Variants in RBBP8NL observed in about 807,000 individuals in gnomAD.
The protein encoded by RBBP8NL is RBBP8 N-terminal like.
In RBBP8NL, 59 loss-of-function variants were observed where a neutral mutation model predicts 62.2. The observed-to-expected ratio is 0.95, with a 90% CI of 0.77 to 1.18. The LOEUF (loss-of-function observed/expected upper bound fraction) is 1.18. Ranked by LOEUF, RBBP8NL falls within the 50% of genes most tolerant of loss-of-function variation. The pLI, the probability that RBBP8NL is intolerant of heterozygous loss-of-function variation, is 0.00. For missense variants in RBBP8NL, 896 were observed against 899.5 expected (o/e 1.00, Z 0.05); for synonymous variants, 412 against 394.1 (o/e 1.05, Z -0.54).
In RBBP8NL at chr20:62,425,769, G is replaced by A. The variant is rs367947719; in HGVS notation, c.-84+1691C>T. 5.9e-5 allele frequency among the ~76,000 whole-genome samples: 9 copies of A among 152,406 alleles called. No homozygotes were observed. In the East Asian group the frequency reaches 9.6e-4, roughly 16 times the overall value. On this transcript the variant is annotated intron_variant, in intron 1 of 13. Transcript: ENST00000252998. ...CCCCAGCAGGCTCTTTGGGGCAGGAGTGCGGAGCTGGACACTGGTACCCTC... is the reference window on the plus strand; with the variant it reads ...CCCCAGCAGGCTCTTTGGGGCAGGAATGCGGAGCTGGACACTGGTACCCTC...
intron 3 of RBBP8NL, among the ~76,000 whole-genome samples, chr20:62,417,831 A>T (rs74591026): frequency 1.3e-4 from 4 of 30,414 alleles, no homozygotes; most frequent in African/African-American, 6.0e-4. Flanking sequence ...ACGCCCCCCC[A>T]GTCATCTGCA....
intron 11 of RBBP8NL, 42 bp downstream of exon 11, chr20:62,413,359 A>G (rs545792180): frequency 1.5e-6 from 2 of 1,377,688 alleles, no homozygotes; most frequent in Non-Finnish European, 1.9e-6. Context: ...CCGTGGGGAA[A>G]ACACCTCCCA....
intron 8 of RBBP8NL, 41 bp from the exon 9 acceptor site, chr20:62,415,328 G>A (rs956410150): frequency 1.3e-6 from 2 of 1,533,914 alleles, no homozygotes; most frequent in Non-Finnish European, 1.7e-6. Flanking sequence ...GGGCATGCGT[G>A]GCCTCTGCTG....
intron 13 of RBBP8NL, among the ~76,000 whole-genome samples, chr20:62,412,289 T>C (rs1988450835): frequency 6.6e-6 from 1 of 152,176 alleles, no homozygotes; most frequent in Non-Finnish European, 1.5e-5. Flanking sequence ...TCCAGGATGA[T>C]GGTGGGGACA....
intron 1 of RBBP8NL, among the ~76,000 whole-genome samples, chr20:62,421,770 G>T (rs991501725): frequency 2.2e-4 from 27 of 121,872 alleles, no homozygotes; most frequent in African/African-American, 8.2e-4. Context: ...CTAGTGTGCG[G>T]GTGTGTGCCA....
At chr20:62,416,638 C>T in intron 5 of RBBP8NL, 122 bp downstream of exon 5, 1 of 679,306 alleles carries the variant, frequency 1.5e-6, no homozygotes, top group East Asian at 2.7e-5. Context: ...TGTGAGGTTC[C>T]CCCAGTGGTG....
intron 4 of RBBP8NL, 63 bp downstream of exon 4, chr20:62,417,161 C>T (rs1830449117): frequency 7.9e-7 from 1 of 1,264,492 alleles, no homozygotes; most frequent in African/African-American, 1.5e-5. Context: ...GGAGCCCTGT[C>T]ACCTCCTCCT....
intron 6 of RBBP8NL, 27 bp downstream of exon 6, chr20:62,416,137 T>C (rs779206738): frequency 1.7e-5 from 28 of 1,600,570 alleles, no homozygotes; most frequent in Admixed American, 1.0e-4. Flanking sequence ...GTTGGGTGTC[T>C]GAGCCCTGGG....
rs1988517079 is a variant in RBBP8NL at position 62,414,495 on chromosome 20, C to G, written c.856G>C (p.Val286Leu). ...THEAPKLSPK[V>L]DRLCLLNRPL... ...CGGTTTAGGAGGCAGAGCCGGTCCA[C>G]CTTCGGGGAGAGCTTCGGGGCCTCA... is the stretch of plus-strand genomic sequence containing the variant. The change falls in exon 10 of 14, where the codon GTG becomes CTG. Residue 286 changes from valine to leucine, a missense_variant. Physicochemically the swap from Val to Leu is conservative, Grantham distance 32 (BLOSUM62 1). Coordinates refer to ENST00000252998, the MANE Select transcript of RBBP8NL (RefSeq NM_080833.3). 6.9e-7 allele frequency: 1 copy of G among 1,457,990 alleles called. No homozygotes were observed. The highest frequency in any genetic ancestry group is 1.4e-5 in the African/African-American group (1 of 70,642). The allele number at this position is 1,457,990 out of a possible 1,614,324, so 90.3% of individuals were successfully genotyped here.
At chr20:62,417,843 G>A (rs568326465) in intron 3 of RBBP8NL, among the ~76,000 whole-genome samples, 1 of 70,776 alleles carries the variant, frequency 1.4e-5, no homozygotes, top group Non-Finnish European at 2.7e-5. Context: ...TCATCTGCAC[G>A]CTCCTCTGTC....
Position 62,410,499 on chromosome 20 carries a change from CTCCA to C in RBBP8NL, c.*375_*378del. The C allele has an allele frequency of 4.4e-6, 1 of 226,594 alleles. No homozygotes were observed. The highest frequency in any genetic ancestry group is 9.2e-5 in the South Asian group (1 of 10,926). The allele number at this position is 226,594 out of a possible 1,614,324, so 14.0% of individuals were successfully genotyped here. The stretch of plus-strand genomic sequence containing the variant: ...TGGGCTGGAGCCTGAGTGATCCCGC[CTCCA>C]GTCCCCACACCCCTCAGGGAGCAGG... On this transcript the variant is annotated 3_prime_UTR_variant, in exon 14 of 14. Coordinates refer to ENST00000252998, the MANE Select transcript of RBBP8NL (RefSeq NM_080833.3).
chr20:62,417,929 G>C (rs1272511388), intron 3 of RBBP8NL, among the ~76,000 whole-genome samples: 1 of 46,762 alleles, frequency 2.1e-5, no homozygotes, highest in Admixed American at 2.9e-4. Flanking sequence ...TCCACGCAAC[G>C]CCCCCCCAGT....
chr20:62,418,497 G>A (rs1322062283), intron 2 of RBBP8NL, 32 bp from the exon 3 acceptor site: 2 of 1,538,964 alleles, frequency 1.3e-6, no homozygotes, highest in East Asian at 4.9e-5. Flanking sequence ...CGGGGGGTCA[G>A]GCCCAGCTGC....
chr20:62,412,721 C>A lies in RBBP8NL; in HGVS notation c.1779G>T (p.Thr593=). The change falls in exon 13 of 14, where the codon ACG becomes ACT. Residue 593 remains threonine (T), a synonymous_variant. Transcript: ENST00000252998. ...VGLSSQAEAT[T]STTGEGPECI... ...ACTCAGGCCCCTCCCCGGTCGTGCT[C>A]GTAGTGGCCTCCGCCTGGGAGCTCA... is the stretch of plus-strand genomic sequence containing the variant. 6.2e-7 allele frequency: 1 copy of A among 1,611,438 alleles called. No homozygotes were observed. Among genetic ancestry groups the A allele is most frequent in the Non-Finnish European group, 8.5e-7 (1 of 1,179,958 alleles).
chr20:62,423,571 C>T (rs549478979), intron 1 of RBBP8NL, among the ~76,000 whole-genome samples: 73 of 152,292 alleles, frequency 4.8e-4, no homozygotes, highest in African/African-American at 1.6e-3. Flanking sequence ...GCTGGGCCGA[C>T]GCCCATAAAG....
intron 10 of RBBP8NL, 74 bp downstream of exon 10, chr20:62,413,747 C>G (rs1220280341): frequency 1.3e-6 from 2 of 1,501,076 alleles, no homozygotes; most frequent in Non-Finnish European, 1.8e-6. Context: ...AGCCCGAGGT[C>G]TGGGGGGAGG....
chr20:62,417,598 T>C lies in RBBP8NL; in HGVS notation c.105-279A>G, dbSNP rs57171850. Among the ~76,000 whole-genome samples, 165 of 68,858 alleles carry C rather than the reference T, an allele frequency of 2.4e-3. 3 individuals are homozygous for C. The highest frequency in any genetic ancestry group is 0.013 in the South Asian group (17 of 1,290). 45.2% of individuals were successfully genotyped at this position (68,858 alleles called of 152,430 possible). A position where few individuals can be genotyped will look rare whatever the true frequency, so the allele number is the denominator to read the frequency against. On this transcript the variant is annotated intron_variant, in intron 3 of 13. Transcript: ENST00000252998. ...CTGCACGCTCCTCTGTGACGTCTGT[T>C]CCGTCCACGCACCACCCCCCCCAGT...
In RBBP8NL at chr20:62,413,456, A is replaced by C; in HGVS notation, c.1620T>G (p.Pro540=). ...EDEDTGRPLP[P]PHPQPPPHPQ... is the part of the protein sequence containing the mutation. ...GGTGGGGAGGCGGCTGTGGGTGGGG[A>C]GGTGGCAGAGGCCTCCCTGTGTCTT... is the stretch of plus-strand genomic sequence containing the variant. The change falls in exon 11 of 14, where the codon CCT becomes CCG. Residue 540 remains proline (P), a synonymous_variant. Coordinates refer to ENST00000252998, the MANE Select transcript of RBBP8NL (RefSeq NM_080833.3). 1 of 1,465,176 alleles carries C rather than the reference A, an allele frequency of 6.8e-7. No homozygotes were observed. The highest frequency in any genetic ancestry group is 9.0e-7 in the Non-Finnish European group (1 of 1,111,990). 90.8% of individuals were successfully genotyped at this position (1,465,176 alleles called of 1,614,324 possible).
intron 2 of RBBP8NL, 116 bp downstream of exon 2, chr20:62,419,471 T>C (rs1212250424): frequency 1.8e-6 from 2 of 1,120,122 alleles, no homozygotes; most frequent in African/African-American, 3.1e-5. Context: ...ACGGGGTCCA[T>C]TCCCTGACTT....
Sources: gnomAD v4.1 joint callset for allele counts (sites outside exome capture counted in the v4.1 genomes callset) on GRCh38, gnomAD v4.1.1 for gene constraint, MANE v1.5 for transcripts, NCBI Gene and HGNC (gene_info 2026-07-23, HGNC 2026-07-21) for gene names.